Variants in CACNA1B observed in about 807,000 individuals in gnomAD.
CACNA1B encodes the protein calcium voltage-gated channel subunit alpha1 B.
CACNA1B carries 70 observed loss-of-function variants against 247.2 expected under a neutral mutation model. The observed-to-expected ratio is 0.28, with a 90% confidence interval of 0.23 to 0.35. The LOEUF is 0.35. Ranked by LOEUF, CACNA1B falls within the 10% of genes least tolerant of loss-of-function variation. CACNA1B has a pLI of 1.00. For synonymous variants in CACNA1B, 1,231 were observed against 1,294.4 expected (o/e 0.95, Z 1.05); for missense variants, 2,367 against 3,197.4 (o/e 0.74, Z 6.26).
chr9:137,926,393 A>G (rs114097956), intron 6 of CACNA1B, among the ~76,000 whole-genome samples: 2,510 of 152,256 alleles, frequency 0.016, 56 homozygotes, highest in African/African-American at 0.053. Flanking sequence ...AAGGCTGAGT[A>G]ATATTCCATT....
chr9:137,986,810 A>G lies in CACNA1B; in HGVS notation c.1930A>G (p.Thr644Ala), dbSNP rs748680450. ...CAACTTCCAGGATGAGACTCCCACA[A>G]CCAACTTCGACACCTTCCCTGCCGC... ...QFNFQDETPT[T>A]NFDTFPAAIL... The change falls in exon 15 of 47, where the codon ACC becomes GCC. Residue 644 changes from threonine to alanine, a missense_variant. Physicochemically the swap from Thr to Ala is moderately conservative, Grantham distance 58. Around this residue, in one of 12 missense-constraint regions of CACNA1B, gnomAD observed 76 missense variants for 191.0 expected, o/e 0.40. Coordinates refer to ENST00000371372, the MANE Select transcript of CACNA1B (RefSeq NM_000718.4). The surrounding 1 kb of genome is among the most constrained non-coding windows in gnomAD (Gnocchi z 6.0). 6.2e-7 allele frequency: 1 copy of G among 1,613,832 alleles called. No individual in the cohort carries two copies. Among genetic ancestry groups the G allele is most frequent in the Admixed American group, 1.7e-5 (1 of 60,018 alleles).
intron 20 of CACNA1B, among the ~76,000 whole-genome samples, chr9:138,026,320 T>C (rs1313804647): frequency 6.6e-6 from 1 of 152,202 alleles, no homozygotes; most frequent in African/African-American, 2.4e-5. Flanking sequence ...TGAGTCTGCC[T>C]GCCCAGCTCC....
rs138612591 is a variant in CACNA1B, at chr9:138,098,130, TTGTC to T, written c.5222+1523_5222+1526del. 0.013 allele frequency among the ~76,000 whole-genome samples: 1,949 copies of T among 152,320 alleles called. 71 individuals are homozygous for T. In the East Asian group the frequency reaches 0.17, roughly 13 times the overall value. ...ACGCAGTGCAAAACAGACGTAGAGA[TTGTC>T]TGTGTTTCACAGTGTATATGACAAT... On this transcript the variant is annotated intron_variant, in intron 37 of 46. Coordinates refer to ENST00000371372, the MANE Select transcript of CACNA1B (RefSeq NM_000718.4).
intron 18 of CACNA1B, among the ~76,000 whole-genome samples, chr9:138,021,440 T>C (rs576382204): frequency 1.3e-5 from 2 of 152,364 alleles, no homozygotes; most frequent in Admixed American, 1.3e-4. Context: ...CAGGATTTAT[T>C]GTTCACCTGC....
chr9:138,108,652 AT>A (rs532418637), intron 39 of CACNA1B, among the ~76,000 whole-genome samples: 4,233 of 146,058 alleles, frequency 0.029, 148 homozygotes, highest in African/African-American at 0.092. Flanking sequence ...AGCAAACTGA[AT>A]TTTTTTTTTT....
At position 137,894,862 on chromosome 9, in the gene CACNA1B, G is replaced by A. The variant is rs536343398; in HGVS notation, c.530+11979G>A. ...CCCATTTTCGTAACAGAGACTTTGC[G>A]CAGCAAAACTTTTAAATTTTGATGA... On this transcript the variant is annotated intron_variant, in intron 3 of 46. Coordinates refer to ENST00000371372, the MANE Select transcript of CACNA1B (RefSeq NM_000718.4). Among the ~76,000 whole-genome samples the A allele has an allele frequency of 7.9e-5, 12 of 152,182 alleles. No individual in the cohort carries two copies. In the South Asian group the frequency reaches 1.9e-3, roughly 24 times the overall value.
chr9:137,916,238 G>C (rs1957409797), intron 5 of CACNA1B, among the ~76,000 whole-genome samples: 1 of 152,028 alleles, frequency 6.6e-6, no homozygotes, highest in Admixed American at 6.6e-5. Context: ...TCACCATGTT[G>C]CCCAGGCTGG....
chr9:137,948,138 G>A (rs544790503), intron 6 of CACNA1B, among the ~76,000 whole-genome samples: 1 of 152,168 alleles, frequency 6.6e-6, no homozygotes, highest in African/African-American at 2.4e-5. Flanking sequence ...GCACCACCAT[G>A]CCTGGCTAAC....
intron 44 of CACNA1B, among the ~76,000 whole-genome samples, chr9:138,119,175 G>A (rs1006047233): frequency 7.9e-5 from 12 of 152,076 alleles, no homozygotes; most frequent in East Asian, 5.8e-4. Context: ...CCCCTCTCCC[G>A]CCCGTGGTTC....
intron 38 of CACNA1B, 31 bp from the exon 39 acceptor site, chr9:138,105,668 C>A (rs916936432): frequency 2.4e-6 from 3 of 1,270,494 alleles, no homozygotes; most frequent in Non-Finnish European, 3.3e-6. Context: ...CCCCAGCAGG[C>A]CTGGCCCTGA....
chr9:138,111,514 A>G (rs2313105), intron 39 of CACNA1B, among the ~76,000 whole-genome samples: 30,053 of 149,334 alleles, frequency 0.2, 3,235 homozygotes, highest in East Asian at 0.46. Flanking sequence ...GACTCAAGGG[A>G]GCACAGAGGA....
intron 15 of CACNA1B, among the ~76,000 whole-genome samples, chr9:137,991,523 C>T (rs926303844): frequency 3.9e-5 from 6 of 152,280 alleles, no homozygotes; most frequent in African/African-American, 1.4e-4. Flanking sequence ...GGAAAACTTA[C>T]CTAGCCTTGC....
In CACNA1B at chr9:138,023,461, C is replaced by T. The variant is rs896144053; in HGVS notation, c.2718C>T (p.Arg906=). Residue 906 remains arginine (R), a synonymous_variant, in exon 19 of 47, where the codon CGC becomes CGT. Coordinates refer to ENST00000371372, the MANE Select transcript of CACNA1B (RefSeq NM_000718.4). ...GGCCCCCGGAGGCGCGGAGCGAGCG[C>T]GGCCGAGGCCCAGGCCCCGAGGGCG... The part of the protein sequence containing the change: ...AAGPPEARSE[R]GRGPGPEGGR... The T allele has an allele frequency of 2.5e-6, 3 of 1,200,516 alleles. No individual in the cohort carries two copies. The highest frequency in any genetic ancestry group is 3.1e-6 in the Non-Finnish European group (3 of 969,534). 74.4% of individuals were successfully genotyped at this position (1,200,516 alleles called of 1,614,324 possible). A position where few individuals can be genotyped will look rare whatever the true frequency, so the allele number is the denominator to read the frequency against.
intron 31 of CACNA1B, chr9:138,068,665 A>G: frequency 9.6e-6 from 5 of 518,234 alleles, no homozygotes; most frequent in South Asian, 7.0e-5. Context: ...TCCCAGCTGT[A>G]AGGACACAGC....
In CACNA1B at chr9:138,057,950, C is replaced by G; in HGVS notation, c.4106+81C>G. On this transcript the variant is annotated intron_variant, in intron 27 of 46. Transcript: ENST00000371372. This position sits in a 1 kb window ranked among gnomAD's most constrained non-coding sequence, Gnocchi z 4.0. ...CCCTTCCTCCCTCTATCCCTGGGCT[C>G]AGGCATGGAAGCAGACCCACCCTTG... The G allele has an allele frequency of 6.4e-7, 1 of 1,570,568 alleles. No individual in the cohort carries two copies. The highest frequency in any genetic ancestry group is 8.7e-7 in the Non-Finnish European group (1 of 1,145,484).
At chr9:138,062,443 G>T (rs1377376094) in intron 31 of CACNA1B, among the ~76,000 whole-genome samples, 2 of 152,214 alleles carry the variant, frequency 1.3e-5, no homozygotes, top group African/African-American at 4.8e-5. Context: ...GCCACATGTT[G>T]TGTGCTGTGT....
intron 15 of CACNA1B, among the ~76,000 whole-genome samples, chr9:137,991,611 T>C (rs936782833): frequency 3.3e-5 from 5 of 152,146 alleles, no homozygotes; most frequent in African/African-American, 1.2e-4. Context: ...TGCAGAAGAA[T>C]TCATCACCTA....
chr9:138,113,466 G>A (rs1439464016), intron 40 of CACNA1B, among the ~76,000 whole-genome samples: 21 of 126,402 alleles, frequency 1.7e-4, no homozygotes, highest in African/African-American at 3.3e-4. Context: ...GTGAGGGAGC[G>A]CGAGGAGGTG....
intron 31 of CACNA1B, 63 bp from the exon 32 acceptor site, chr9:138,069,695 G>T: frequency 1.5e-6 from 2 of 1,357,504 alleles, no homozygotes; most frequent in African/African-American, 1.4e-5. Context: ...TGCACCTGCT[G>T]CTCAAACCTC....
Sources: gnomAD v4.1 joint callset for allele counts (sites outside exome capture counted in the v4.1 genomes callset) on GRCh38, gnomAD v4.1.1 for gene constraint, gnomAD v4.1.1 regional missense constraint, Gnocchi (gnomAD v3.1) non-coding constraint, MANE v1.5 for transcripts, NCBI Gene and HGNC (gene_info 2026-07-23, HGNC 2026-07-21) for gene names.